ELAPOR2: variants seen among roughly 807,000 people sequenced by gnomAD.
The protein encoded by ELAPOR2 is endosome/lysosome-associated apoptosis and autophagy regulator family member 2.
ELAPOR2 carries 89 observed loss-of-function variants against 120.7 expected under a neutral mutation model. The observed-to-expected ratio is 0.74, with a 90% CI of 0.62 to 0.88. ELAPOR2 has a LOEUF of 0.88. Ranked by LOEUF, ELAPOR2 falls within the 40% of genes least tolerant of loss-of-function variation. The pLI, the probability that ELAPOR2 is intolerant of heterozygous loss-of-function variation, is 0.00. For missense variants in ELAPOR2, 1,134 were observed against 1,251.6 expected (o/e 0.91, Z 1.42); for synonymous variants, 444 against 444.9 (o/e 1.00, Z 0.03).
At chr7:87,012,201 G>A (rs1411511169) in intron 1 of ELAPOR2, among the ~76,000 whole-genome samples, 1 of 152,180 alleles carries the variant, frequency 6.6e-6, no homozygotes, top group Non-Finnish European at 1.5e-5. Context: ...CACAAGGTCA[G>A]GAGATTGAGA....
intron 1 of ELAPOR2, among the ~76,000 whole-genome samples, chr7:87,032,724 A>C (rs1794460292): frequency 6.6e-6 from 1 of 152,190 alleles, no homozygotes; most frequent in Admixed American, 6.5e-5. Flanking sequence ...CTAATCGAGA[A>C]TCTAATAGAC....
chr7:86,917,788 G>A (rs996633292), intron 12 of ELAPOR2, among the ~76,000 whole-genome samples: 2 of 151,120 alleles, frequency 1.3e-5, no homozygotes, highest in Admixed American at 1.3e-4. Flanking sequence ...CTGTTAACTG[G>A]CTACTAAAAG....
chr7:86,942,247 G>A (rs1384375368), intron 4 of ELAPOR2, 143 bp from the exon 5 acceptor site: 11 of 521,610 alleles, frequency 2.1e-5, no homozygotes, highest in Middle Eastern at 3.3e-4. Flanking sequence ...TAAACATACC[G>A]AGACCTCTGG....
chr7:86,988,742 AC>A (rs1240588630), intron 1 of ELAPOR2, among the ~76,000 whole-genome samples: 2 of 152,036 alleles, frequency 1.3e-5, no homozygotes, highest in African/African-American at 2.4e-5. Flanking sequence ...AGTGTGCCTG[AC>A]CCCCTCCCCT....
chr7:86,995,179 T>C (rs1197778569), intron 1 of ELAPOR2, among the ~76,000 whole-genome samples: 1 of 152,152 alleles, frequency 6.6e-6, no homozygotes, highest in East Asian at 1.9e-4. Context: ...TTCTTATGAT[T>C]AAGAAAACTT....
At chr7:87,005,142 A>T (rs2116644300) in intron 1 of ELAPOR2, among the ~76,000 whole-genome samples, 1 of 152,262 alleles carries the variant, frequency 6.6e-6, no homozygotes, top group Non-Finnish European at 1.5e-5. Flanking sequence ...ATTGTCATTA[A>T]TCCTTATGGG....
Position 86,914,701 on chromosome 7 carries a change from A to T in ELAPOR2, c.1731+22T>A, listed in dbSNP as rs190999877. On this transcript the variant is annotated intron_variant, in intron 13 of 21. Coordinates refer to ENST00000450689, the MANE Select transcript of ELAPOR2 (RefSeq NM_001142749.3). ...CATCATTAGTGTGTTTAAAATTTTA[A>T]AAAAAAGTGCTTGGAACTTACATCT... The T allele has an allele frequency of 3.0e-3, 4,787 of 1,588,110 alleles. 128 individuals carry two copies. The African/African-American group carries it at 0.058, about 19-fold the overall frequency.
At chr7:86,899,224 T>C (rs1285941753) in intron 18 of ELAPOR2, among the ~76,000 whole-genome samples, 2 of 152,094 alleles carry the variant, frequency 1.3e-5, no homozygotes, top group African/African-American at 2.4e-5. Flanking sequence ...GGCTGAAAAA[T>C]TAATGGCTGC....
intron 1 of ELAPOR2, among the ~76,000 whole-genome samples, chr7:87,028,281 T>G (rs1023982080): frequency 1.3e-5 from 2 of 152,150 alleles, no homozygotes; most frequent in Non-Finnish European, 2.9e-5. Flanking sequence ...TGAAAAGACC[T>G]TCACCTTGCT....
At chr7:86,986,421 T>C (rs994281979) in intron 1 of ELAPOR2, among the ~76,000 whole-genome samples, 2 of 84,490 alleles carry the variant, frequency 2.4e-5, no homozygotes, top group African/African-American at 6.7e-5. Flanking sequence ...AGAGCGAGAC[T>C]CCGTCTCAAA....
At chr7:87,057,397 C>T (rs952647942) in intron 1 of ELAPOR2, among the ~76,000 whole-genome samples, 2 of 152,224 alleles carry the variant, frequency 1.3e-5, no homozygotes, top group Admixed American at 6.5e-5. Flanking sequence ...CTTCCAAGAA[C>T]TTCTAACTCC....
chr7:86,990,305 C>T (rs1347876554), intron 1 of ELAPOR2, among the ~76,000 whole-genome samples: 1 of 152,140 alleles, frequency 6.6e-6, no homozygotes. Flanking sequence ...GCCTCGGCCT[C>T]CCAAAGTGCT....
intron 1 of ELAPOR2, among the ~76,000 whole-genome samples, chr7:87,055,236 A>G (rs1795225471): frequency 6.6e-6 from 1 of 152,114 alleles, no homozygotes; most frequent in Non-Finnish European, 1.5e-5. Context: ...TCTTCTTCAC[A>G]TTTCTTCTCA....
intron 2 of ELAPOR2, among the ~76,000 whole-genome samples, chr7:86,955,310 T>C (rs1791426584): frequency 6.6e-6 from 1 of 152,180 alleles, no homozygotes; most frequent in Non-Finnish European, 1.5e-5. Context: ...AGGCCATTTC[T>C]TGCTGATATT....
At chr7:87,019,394 G>C (rs747919897) in intron 1 of ELAPOR2, among the ~76,000 whole-genome samples, 1 of 151,988 alleles carries the variant, frequency 6.6e-6, no homozygotes, top group Non-Finnish European at 1.5e-5. Context: ...GAACTCCTGG[G>C]CTCAAGCGGT....
chr7:86,914,703 A>C lies in ELAPOR2; in HGVS notation c.1731+20T>G, dbSNP rs1367591858. On this transcript the variant is annotated intron_variant, in intron 13 of 21. Transcript: ENST00000450689. ...TCATTAGTGTGTTTAAAATTTTAAA[A>C]AAAAGTGCTTGGAACTTACATCTTG... 1.9e-6 allele frequency: 3 copies of C among 1,588,578 alleles called. No individual in the cohort carries two copies. Among genetic ancestry groups the C allele is most frequent in the Non-Finnish European group, 2.6e-6 (3 of 1,170,878 alleles).
intron 8 of ELAPOR2, among the ~76,000 whole-genome samples, chr7:86,929,608 A>G (rs867372494): frequency 4.1e-4 from 63 of 151,944 alleles, no homozygotes; most frequent in African/African-American, 1.4e-3. Flanking sequence ...AGCCTGCCCA[A>G]ATACATATCA....
chr7:86,931,240 TAC>T (rs148752409), intron 8 of ELAPOR2, among the ~76,000 whole-genome samples: 1 of 151,862 alleles, frequency 6.6e-6, no homozygotes, highest in African/African-American at 2.4e-5. Context: ...CACATATATA[TAC>T]ACACACATGC....
intron 14 of ELAPOR2, among the ~76,000 whole-genome samples, chr7:86,912,720 G>A (rs991051314): frequency 1.3e-5 from 2 of 152,200 alleles, no homozygotes; most frequent in South Asian, 4.2e-4. Flanking sequence ...TTCTTATTTG[G>A]GAGCTTTTAA....
Sources: allele counts gnomAD v4.1 joint callset (sites outside exome capture counted in the v4.1 genomes callset), GRCh38; gene constraint gnomAD v4.1.1; transcripts MANE v1.5; gene names NCBI Gene and HGNC (gene_info 2026-07-23, HGNC 2026-07-21).